Variants in CNGB3 observed in about 807,000 individuals in gnomAD.
CNGB3 encodes the protein cyclic nucleotide-gated channel beta-3.
CNGB3 carries 86 observed loss-of-function variants against 92.8 expected under a neutral mutation model. The observed-to-expected ratio is 0.93, with a 90% CI of 0.78 to 1.11. The LOEUF is 1.11. CNGB3 is among the 50% of genes least tolerant of loss of function. CNGB3 has a pLI of 0.00. For synonymous variants in CNGB3, 333 were observed against 332.7 expected, an observed-to-expected ratio of 1.00 and a Z score of -0.01; for missense variants, 1,026 against 956.8, an observed-to-expected ratio of 1.07 and a Z score of -0.95.
At chr8:86,735,177 G>A (rs1382289144) in intron 2 of CNGB3, among the ~76,000 whole-genome samples, 1 of 91,706 alleles carries the variant, frequency 1.1e-5, no homozygotes, top group South Asian at 3.9e-4. Context: ...GAGTCTTGCT[G>A]TGTTGCCCAG....
intron 15 of CNGB3, among the ~76,000 whole-genome samples, chr8:86,601,281 T>A (rs1361274480): frequency 6.6e-6 from 1 of 152,160 alleles, no homozygotes; most frequent in Middle Eastern, 3.2e-3. Context: ...ATTCAGTGAA[T>A]AAGACTTGGG....
At chr8:86,609,979 A>G (rs1822487139) in intron 14 of CNGB3, among the ~76,000 whole-genome samples, 1 of 151,986 alleles carries the variant, frequency 6.6e-6, no homozygotes, top group Non-Finnish European at 1.5e-5. Context: ...GGCAACTTCT[A>G]TTTTCCCTTT....
intron 6 of CNGB3, among the ~76,000 whole-genome samples, chr8:86,663,047 A>C (rs1210709388): frequency 2.0e-5 from 3 of 152,208 alleles, no homozygotes; most frequent in Non-Finnish European, 4.4e-5. Flanking sequence ...ACTACTTCAT[A>C]ATTAGCCTAA....
rs78609852 is a variant in CNGB3, at chr8:86,739,638, T to C, written c.211+17A>G. On this transcript the variant is annotated intron_variant, in intron 2 of 17. Transcript: ENST00000320005. ...CTTTTTAGTTTTTTTTTTTTTTTTTTCAGACTGCATTCTGACCTTGTATGT... is the reference window on the plus strand; with the variant it reads ...CTTTTTAGTTTTTTTTTTTTTTTTTCCAGACTGCATTCTGACCTTGTATGT... 10 of 1,586,680 alleles carry C rather than the reference T, an allele frequency of 6.3e-6. No individual in the cohort carries two copies. Among genetic ancestry groups the C allele is most frequent in the Admixed American group, 3.5e-5 (2 of 56,988 alleles).
At chr8:86,593,667 T>A in intron 15 of CNGB3, 1 of 588,598 alleles carries the variant, frequency 1.7e-6, no homozygotes, top group Non-Finnish European at 3.1e-6. Context: ...TAATGGTGTC[T>A]GTCTGCCCAC....
At chr8:86,595,004 G>A (rs1043855779) in intron 15 of CNGB3, among the ~76,000 whole-genome samples, 2 of 152,168 alleles carry the variant, frequency 1.3e-5, no homozygotes, top group African/African-American at 4.8e-5. Context: ...TTACAGGCGT[G>A]AGCCACCGCA....
intron 6 of CNGB3, 81 bp from the exon 7 acceptor site, chr8:86,654,143 C>G: frequency 1.1e-6 from 1 of 944,234 alleles, no homozygotes; most frequent in Non-Finnish European, 1.7e-6. Flanking sequence ...ATAACTGTTT[C>G]TCTTGGTTGG....
chr8:86,583,803 C>T (rs1456069510), intron 15 of CNGB3, among the ~76,000 whole-genome samples: 1 of 151,236 alleles, frequency 6.6e-6, no homozygotes, highest in Non-Finnish European at 1.5e-5. Flanking sequence ...ACCTGTAGTC[C>T]CAGCTACTTG....
At chr8:86,670,746 TC>T (rs1375711074) in intron 4 of CNGB3, among the ~76,000 whole-genome samples, 197 bp downstream of exon 4, 1 of 152,106 alleles carries the variant, frequency 6.6e-6, no homozygotes, top group Non-Finnish European at 1.5e-5. Flanking sequence ...CCAGTAATCC[TC>T]TTATTAACCC....
At chr8:86,617,063 G>A (rs1359787811) in intron 13 of CNGB3, among the ~76,000 whole-genome samples, 2 of 152,212 alleles carry the variant, frequency 1.3e-5, no homozygotes, top group African/African-American at 4.8e-5. Flanking sequence ...GTGCTGTATA[G>A]CTGTGTTACC....
chr8:86,576,195 G>C, intron 17 of CNGB3, 65 bp from the exon 18 acceptor site: 1 of 1,540,484 alleles, frequency 6.5e-7, no homozygotes, highest in Non-Finnish European at 8.8e-7. Context: ...ATTAGATTTT[G>C]ATTAGCATGC....
chr8:86,742,522 C>T (rs1192772634), intron 1 of CNGB3, among the ~76,000 whole-genome samples: 1 of 152,134 alleles, frequency 6.6e-6, no homozygotes, highest in South Asian at 2.1e-4. Context: ...TAAACCCGAA[C>T]CATTGGACTA....
In CNGB3 at chr8:86,687,448, G is replaced by A. The variant is rs551620018; in HGVS notation, c.339-16350C>T. Among the ~76,000 whole-genome samples the A allele has an allele frequency of 1.4e-4, 21 of 152,030 alleles. No homozygotes were observed. The East Asian group carries it at 4.1e-3, about 29-fold the overall frequency. On this transcript the variant is annotated intron_variant, in intron 3 of 17. Transcript: ENST00000320005. ...AAGCTAGACACAAAAGGCCATATAT[G>A]GTATGATTTCATTCATATGAGATAA... is the stretch of plus-strand genomic sequence containing the variant.
chr8:86,576,604 G>A (rs934824167), intron 17 of CNGB3, among the ~76,000 whole-genome samples: 1 of 152,124 alleles, frequency 6.6e-6, no homozygotes, highest in Non-Finnish European at 1.5e-5. Flanking sequence ...CCCTTTCCTA[G>A]TATGATCTTT....
intron 15 of CNGB3, among the ~76,000 whole-genome samples, chr8:86,603,273 C>T (rs1329983861): frequency 6.6e-6 from 1 of 152,120 alleles, no homozygotes; most frequent in South Asian, 2.1e-4. Context: ...CATATCTTGT[C>T]TAATATTTTT....
intron 13 of CNGB3, among the ~76,000 whole-genome samples, chr8:86,625,035 A>C (rs1822818912): frequency 6.6e-6 from 1 of 152,136 alleles, no homozygotes; most frequent in Admixed American, 6.5e-5. Context: ...GCCATGATCA[A>C]AAGCTCCCTG....
At chr8:86,663,455 G>T (rs949359708) in intron 6 of CNGB3, among the ~76,000 whole-genome samples, 1 of 152,158 alleles carries the variant, frequency 6.6e-6, no homozygotes, top group African/African-American at 2.4e-5. Context: ...AACTTGTAAG[G>T]CCTCCTGGTT....
intron 3 of CNGB3, among the ~76,000 whole-genome samples, chr8:86,722,462 A>G (rs554638304): frequency 6.6e-6 from 1 of 152,232 alleles, no homozygotes; most frequent in Non-Finnish European, 1.5e-5. Flanking sequence ...TGGGACCTAT[A>G]CAGTTTCAAT....
At chr8:86,576,580 A>G (rs1378234809) in intron 17 of CNGB3, among the ~76,000 whole-genome samples, 1 of 152,224 alleles carries the variant, frequency 6.6e-6, no homozygotes, top group Non-Finnish European at 1.5e-5. Context: ...GGAGAACCTC[A>G]GGGAGAAACT....
Sources: gnomAD v4.1 joint callset for allele counts (sites outside exome capture counted in the v4.1 genomes callset) on GRCh38, gnomAD v4.1.1 for gene constraint, MANE v1.5 for transcripts, NCBI Gene and HGNC (gene_info 2026-07-23, HGNC 2026-07-21) for gene names.